The following MYO9A variants were observed in gnomAD, a reference collection of about 807,000 sequenced individuals.
The protein encoded by MYO9A is myosin IXA.
In MYO9A, 103 loss-of-function variants were observed where a neutral mutation model predicts 293.3. That is an observed-to-expected ratio of 0.35 (90% CI 0.30 to 0.41). The LOEUF is 0.41. MYO9A is among the 10% of genes least tolerant of loss of function. The pLI, the probability that MYO9A is intolerant of heterozygous loss-of-function variation, is 1.00. For synonymous variants in MYO9A, 1,001 were observed against 1,035.7 expected, an observed-to-expected ratio of 0.97 and a Z score of 0.64; for missense variants, 2,685 against 3,033.0, an observed-to-expected ratio of 0.89 and a Z score of 2.69.
chr15:72,006,652 G>A (rs763722243), intron 8 of MYO9A, among the ~76,000 whole-genome samples: 2 of 152,174 alleles, frequency 1.3e-5, no homozygotes, highest in Non-Finnish European at 2.9e-5. Flanking sequence ...CAAATAGCAT[G>A]AAGAGTGGAA....
At chr15:71,888,989 A>G (rs968054307) in intron 26 of MYO9A, among the ~76,000 whole-genome samples, 5 of 152,184 alleles carry the variant, frequency 3.3e-5, no homozygotes, top group African/African-American at 1.2e-4. Flanking sequence ...GAGAGATGGG[A>G]AAAAAGGGAA....
chr15:71,915,227 T>A (rs16956385), intron 19 of MYO9A, among the ~76,000 whole-genome samples: 53 of 152,106 alleles, frequency 3.5e-4, no homozygotes, highest in Non-Finnish European at 4.6e-4. Context: ...CTCTGGATTG[T>A]GAGGACAGAA....
At chr15:71,941,269 CTACAAAAA>C (rs1473180469) in intron 15 of MYO9A, among the ~76,000 whole-genome samples, 1 of 152,074 alleles carries the variant, frequency 6.6e-6, no homozygotes, top group Non-Finnish European at 1.5e-5. Context: ...AACCCCATCT[CTACAAAAA>C]TACAAAAATT....
intron 8 of MYO9A, among the ~76,000 whole-genome samples, chr15:72,004,564 A>T (rs1458713270): frequency 1.3e-5 from 2 of 152,314 alleles, no homozygotes; most frequent in East Asian, 3.9e-4. Flanking sequence ...TCTCAAAAAA[A>T]CAACAAAAAA....
chr15:71,860,969 C>CAAAAAAAAAAAAAAAAAAAAAAAAAAAA (rs61030744), intron 33 of MYO9A, among the ~76,000 whole-genome samples: 16 of 32,418 alleles, frequency 4.9e-4, no homozygotes, highest in East Asian at 1.0e-3. Context: ...TCCATCTCAC[C>CAAAAAAAAAAAAAAAAAAAAAAAAAAAA]AAAAAAAAAA....
At position 71,826,767 on chromosome 15, in the gene MYO9A, A is replaced by G. The variant is rs767485807; in HGVS notation, c.7460T>C (p.Phe2487Ser). Residue 2487 changes from phenylalanine (F) to serine (S), a missense_variant, in exon 42 of 42, where the codon TTC becomes TCC. By Grantham distance (155) the Phe-to-Ser change is radical (BLOSUM62 -2). Transcript: ENST00000356056. Reference sequence around the variant, plus strand: ...CGGGTTGAAGGTTCCTCTGCTGATGAACTGAGGCTTGTCTTCCAGGAATTT... The same window carrying G: ...CGGGTTGAAGGTTCCTCTGCTGATGGACTGAGGCTTGTCTTCCAGGAATTT... Reference protein sequence around the residue: ...QTKFLEDKPQFISRGTFNPEK... With the variant: ...QTKFLEDKPQSISRGTFNPEK... The G allele has an allele frequency of 2.5e-6, 4 of 1,614,076 alleles. No individual in the cohort carries two copies. In the South Asian group the frequency reaches 4.4e-5, roughly 18 times the overall value.
At chr15:71,902,882 T>G in intron 22 of MYO9A, 59 bp downstream of exon 22, 1 of 1,318,994 alleles carries the variant, frequency 7.6e-7, no homozygotes, top group Non-Finnish European at 1.0e-6. Flanking sequence ...TAGGCAAAAA[T>G]TATTATTTTT....
rs755426901 is a variant in MYO9A, at chr15:72,010,300, A to C, written c.1253+50T>G. The C allele has an allele frequency of 2.7e-6, 4 of 1,479,770 alleles. No homozygotes were observed. In the Admixed American group the frequency reaches 5.1e-5, roughly 19 times the overall value. 91.7% of individuals were successfully genotyped at this position (1,479,770 alleles called of 1,614,324 possible). ...TCAACGGCAGAAATCTTTCAAAGAC[A>C]TATCATGTGTTCTCTATTAGAGATA... On this transcript the variant is annotated intron_variant, in intron 7 of 41. Transcript: ENST00000356056.
chr15:71,903,946 A>G lies in MYO9A; in HGVS notation c.2860T>C (p.Ser954Pro), dbSNP rs1389549855. 2 of 1,613,878 alleles carry G rather than the reference A, an allele frequency of 1.2e-6. No individual in the cohort carries two copies. Among genetic ancestry groups the G allele is most frequent in the Admixed American group, 3.3e-5 (2 of 59,992 alleles). Residue 954 changes from serine to proline, a missense_variant, in exon 21 of 42, where the codon TCC (serine) becomes CCC (proline). By Grantham distance (74) the Ser-to-Pro change is moderately conservative. Coordinates refer to ENST00000356056, the MANE Select transcript of MYO9A (RefSeq NM_006901.4). ...TVRIRQSGYS[S>P]KYSFQDFVSH... The stretch of plus-strand genomic sequence containing the variant: ...AACAGAACCTGGAAAGAATATTTGG[A>G]GCTGTATCCTGATTGGCGAATTCGA...
chr15:71,945,728 T>A (rs116761861), intron 15 of MYO9A, among the ~76,000 whole-genome samples: 99,382 of 151,406 alleles, frequency 0.66, 33,460 homozygotes, highest in Middle Eastern at 0.75. Flanking sequence ...TACAATTTCT[T>A]TTTGTTGCCT....
At chr15:71,845,591 G>A (rs572541670) in intron 39 of MYO9A, among the ~76,000 whole-genome samples, 109 of 152,136 alleles carry the variant, frequency 7.2e-4, no homozygotes, top group Non-Finnish European at 1.4e-3. Context: ...AGCAATTGTG[G>A]GTTCAACTGC....
At chr15:72,003,264 C>T (rs1160095410) in intron 8 of MYO9A, among the ~76,000 whole-genome samples, 1 of 141,554 alleles carries the variant, frequency 7.1e-6, no homozygotes, top group Admixed American at 7.1e-5. Context: ...AGCAAAATAC[C>T]GTCTCAAAAA....
At chr15:71,962,148 T>C (rs1316665385) in intron 13 of MYO9A, among the ~76,000 whole-genome samples, 1 of 152,058 alleles carries the variant, frequency 6.6e-6, no homozygotes, top group African/African-American at 2.4e-5. Context: ...CATAAATAAA[T>C]GGGGAGAGTA....
At chr15:72,115,736 C>T (rs1397005154) in intron 1 of MYO9A, among the ~76,000 whole-genome samples, 1 of 152,224 alleles carries the variant, frequency 6.6e-6, no homozygotes, top group East Asian at 1.9e-4. Context: ...CAGCTAGTCA[C>T]ACTGTGGAAG....
chr15:71,826,242 A>G lies in MYO9A; in HGVS notation c.*338T>C, dbSNP rs2054495962. 4.3e-6 allele frequency: 1 copy of G among 230,576 alleles called. No homozygotes were observed. The highest frequency in any genetic ancestry group is 8.4e-6 in the Non-Finnish European group (1 of 118,566). 14.3% of individuals were successfully genotyped at this position (230,576 alleles called of 1,614,324 possible). A position where few individuals can be genotyped will look rare whatever the true frequency, so the allele number is the denominator to read the frequency against. ...AAATGAGAGGGTCCCTCAGGACAGC[A>G]ATATCCCCCCTAGTTCAACACCCAC... On this transcript the variant is annotated 3_prime_UTR_variant, in exon 42 of 42. Coordinates refer to ENST00000356056, the MANE Select transcript of MYO9A (RefSeq NM_006901.4).
At position 71,879,813 on chromosome 15, in the gene MYO9A, T is replaced by C. The variant is rs1403723141; in HGVS notation, c.5647A>G (p.Ser1883Gly). Residue 1883 changes from serine (S) to glycine (G), a missense_variant, in exon 30 of 42, where the codon AGC becomes GGC. Around this residue, in one of 10 missense-constraint regions of MYO9A, gnomAD observed 1,434 missense variants for 1,497.7 expected, o/e 0.96. Transcript: ENST00000356056. ...KKVNDLDNED[S>G]KKDTLVDVVF... ...ACATCCACTAGTGTATCCTTCTTGC[T>C]GTCTTCATTATCTAGGTCATTCACC... 6.2e-7 allele frequency: 1 copy of C among 1,612,896 alleles called. No individual in the cohort carries two copies. The highest frequency in any genetic ancestry group is 1.3e-5 in the African/African-American group (1 of 74,912).
chr15:71,935,809 T>A (rs1398024220), intron 16 of MYO9A, among the ~76,000 whole-genome samples: 1 of 152,050 alleles, frequency 6.6e-6, no homozygotes, highest in Non-Finnish European at 1.5e-5. Context: ...CTTTGTTAGA[T>A]TTTAGAATTT....
rs1213684488 is a variant in MYO9A, at chr15:72,021,008, A to T, written c.1008T>A (p.His336Gln). ...CTCCTGCCAGGAGGTAATAGAATACATGATAGTTCCTGTGGGAAACAAAGA... is the reference window on the plus strand; with the variant it reads ...CTCCTGCCAGGAGGTAATAGAATACTTGATAGTTCCTGTGGGAAACAAAGA... The part of the protein sequence containing the change: ...VYQEHNERNY[H>Q]VFYYLLAGAS... The change falls in exon 5 of 42, where the codon CAT (histidine) becomes CAA (glutamine). Residue 336 changes from histidine (H) to glutamine (Q), a missense_variant. By Grantham distance (24) the His-to-Gln change is conservative. Coordinates refer to ENST00000356056, the MANE Select transcript of MYO9A (RefSeq NM_006901.4). 1.3e-6 allele frequency: 2 copies of T among 1,553,932 alleles called. No individual in the cohort carries two copies.
chr15:71,827,572 G>C (rs947253101), intron 41 of MYO9A, among the ~76,000 whole-genome samples: 3 of 152,010 alleles, frequency 2.0e-5, no homozygotes, highest in Admixed American at 2.0e-4. Flanking sequence ...GAGTTGGTTT[G>C]ATAAACAATG....
Sources: gnomAD v4.1 joint callset for allele counts (sites outside exome capture counted in the v4.1 genomes callset) on GRCh38, gnomAD v4.1.1 for gene constraint, gnomAD v4.1.1 regional missense constraint, MANE v1.5 for transcripts, NCBI Gene and HGNC (gene_info 2026-07-23, HGNC 2026-07-21) for gene names.